NDUFC2: variants seen among roughly 807,000 people sequenced by gnomAD.
NDUFC2 encodes the protein NADH dehydrogenase [ubiquinone] 1 subunit C2.
Under a neutral mutation model 10.1 loss-of-function variants are expected in NDUFC2, and 2 were observed. That is an observed-to-expected ratio of 0.20 (90% CI 0.08 to 0.62). The LOEUF is 0.62. Among genes scored for constraint, NDUFC2 ranks in the 20% least tolerant of loss-of-function variants. NDUFC2 has a pLI of 0.87. For missense variants in NDUFC2, 156 were observed against 159.6 expected (o/e 0.98, Z 0.12); for synonymous variants, 61 against 63.6 (o/e 0.96, Z 0.20).
intron 2 of NDUFC2, among the ~76,000 whole-genome samples, chr11:78,070,440 C>G (rs1858953903): frequency 6.6e-6 from 1 of 152,076 alleles, no homozygotes; most frequent in African/African-American, 2.4e-5. Context: ...TATATATTAC[C>G]CAGTCTATTC....
chr11:78,073,199 G>C (rs1280629589), intron 1 of NDUFC2, 58 bp from the exon 2 acceptor site: 1 of 1,607,294 alleles, frequency 6.2e-7, no homozygotes, highest in African/African-American at 1.3e-5. Context: ...TGTATTAAGA[G>C]TTACATTTTT....
intron 1 of NDUFC2, among the ~76,000 whole-genome samples, chr11:78,075,501 T>C (rs1352029400): frequency 1.3e-5 from 2 of 152,234 alleles, no homozygotes; most frequent in African/African-American, 2.4e-5. Flanking sequence ...TAAAGTCTTA[T>C]TCTTAAGGAA....
In NDUFC2 at chr11:78,069,913, G is replaced by A. The variant is rs1319763935; in HGVS notation, c.*74C>T. ...ATACAGATTAGCATAAGCTTCAACT[G>A]TCATAAGAAACATGTTCCATCAAAT... On this transcript the variant is annotated 3_prime_UTR_variant, in exon 3 of 3. Transcript: ENST00000281031. 5.6e-6 allele frequency: 9 copies of A among 1,613,326 alleles called. No individual in the cohort carries two copies. In the African/African-American group the frequency reaches 1.2e-4, roughly 22 times the overall value.
At position 78,069,072 on chromosome 11, in the gene NDUFC2, A is replaced by T. The variant is rs2090461750; in HGVS notation, c.*915T>A. ...CCCAGCTAATTTTTGTATTTTATGT[A>T]GAGACAGTGTTTCACCATGTTGCCC... On this transcript the variant is annotated 3_prime_UTR_variant, in exon 3 of 3. Transcript: ENST00000281031. 1 of 152,124 alleles carries T rather than the reference A, an allele frequency of 6.6e-6. No homozygotes were observed. The highest frequency in any genetic ancestry group is 1.5e-5 in the Non-Finnish European group (1 of 68,030). The allele number at this position is 152,124 out of a possible 1,614,324, so 9.4% of individuals were successfully genotyped here. A position where few individuals can be genotyped will look rare whatever the true frequency, so the allele number is the denominator to read the frequency against.
At chr11:78,073,812 A>C (rs1323955762) in intron 1 of NDUFC2, among the ~76,000 whole-genome samples, 2 of 151,570 alleles carry the variant, frequency 1.3e-5, no homozygotes, top group Admixed American at 1.3e-4. Flanking sequence ...AAAAAAAAAA[A>C]AAAAAAAAAA....
Position 78,069,650 on chromosome 11 carries a change from A to T in NDUFC2, c.*337T>A. 1 of 559,220 alleles carries T rather than the reference A, an allele frequency of 1.8e-6. No homozygotes were observed. The allele number at this position is 559,220 out of a possible 1,614,324, so 34.6% of individuals were successfully genotyped here. On this transcript the variant is annotated 3_prime_UTR_variant, in exon 3 of 3. Transcript: ENST00000281031. ...AACTACTCAATTCTGCTCTTGCAGC[A>T]TGGCAGTCGCCATAAACAACATGTA...
chr11:78,077,123 C>A (rs1859282524), intron 1 of NDUFC2, among the ~76,000 whole-genome samples: 2 of 152,090 alleles, frequency 1.3e-5, no homozygotes, highest in African/African-American at 2.4e-5. Context: ...AAGACCCCAT[C>A]TCTACAAAAA....
intron 1 of NDUFC2, among the ~76,000 whole-genome samples, chr11:78,075,033 AC>A (rs1413840691): frequency 3.3e-5 from 5 of 152,136 alleles, no homozygotes; most frequent in Non-Finnish European, 5.9e-5. Context: ...ACCTCTCACT[AC>A]CTGCACACCC....
chr11:78,070,489 A>T (rs903133860), intron 2 of NDUFC2, among the ~76,000 whole-genome samples: 15 of 152,156 alleles, frequency 9.9e-5, no homozygotes, highest in South Asian at 2.1e-4. Context: ...AAGTTAAAAA[A>T]TTTTTTTTAA....
At chr11:78,070,236 T>C (rs1349335064) in intron 2 of NDUFC2, among the ~76,000 whole-genome samples, 200 bp from the exon 3 acceptor site, 1 of 152,034 alleles carries the variant, frequency 6.6e-6, no homozygotes, top group Non-Finnish European at 1.5e-5. Flanking sequence ...GGGAGGTGAT[T>C]AGGTCACAAA....
rs771302926 is a variant in NDUFC2 at position 78,068,782 on chromosome 11, CTCA to C, written c.*1202_*1204del. 87,933 of 137,620 alleles carry C rather than the reference CTCA, an allele frequency of 0.64. 27,303 individuals are homozygous for C. The highest frequency in any genetic ancestry group is 0.71 in the Admixed American group (9,812 of 13,854). The allele number at this position is 137,620 out of a possible 1,614,324, so 8.5% of individuals were successfully genotyped here. On this transcript the variant is annotated 3_prime_UTR_variant, in exon 3 of 3. Transcript: ENST00000281031. ...CCTGATGACAGAGCAAGACTGTCGT[CTCA>C]AAAAAAAAAAAAAAAATACCACATA... is the stretch of plus-strand genomic sequence containing the variant.
chr11:78,079,616 A>T lies in NDUFC2; in HGVS notation c.129T>A (p.Ile43=). 1 of 1,565,906 alleles carries T rather than the reference A, an allele frequency of 6.4e-7. No individual in the cohort carries two copies. Among genetic ancestry groups the T allele is most frequent in the South Asian group, 1.2e-5 (1 of 85,346 alleles). Residue 43 remains isoleucine (I), a synonymous_variant, in exon 1 of 3, where the codon ATT becomes ATA. Coordinates refer to ENST00000281031, the MANE Select transcript of NDUFC2 (RefSeq NM_004549.6). ...TCGGCCTCCGCCGGATTAGGTTATC[A>T]ATCAGGCCGGAGCAGTAGCCCAAGA... is the stretch of plus-strand genomic sequence containing the variant. ...IGFLGYCSGL[I]DNLIRRRPIA...
Position 78,073,056 on chromosome 11 carries a change from C to A in NDUFC2, c.252G>T (p.Val84=), listed in dbSNP as rs1357790070. 6.2e-7 allele frequency: 1 copy of A among 1,613,954 alleles called. No homozygotes were observed. The highest frequency in any genetic ancestry group is 8.5e-7 in the Non-Finnish European group (1 of 1,180,012). The change falls in exon 2 of 3, where the codon GTG becomes GTT. Residue 84 remains valine, a synonymous_variant. Transcript: ENST00000281031. ...TATATCCAAACATTTCACGGTCCCT[C>A]ACAGCATACAGGTAGTCTTCACGTT... is the stretch of plus-strand genomic sequence containing the variant. ...LVKREDYLYA[V]RDREMFGYMK... is the part of the protein sequence containing the mutation.
intron 2 of NDUFC2, 156 bp downstream of exon 2, chr11:78,072,842 A>C (rs1366577040): frequency 2.5e-5 from 27 of 1,087,418 alleles, no homozygotes; most frequent in Non-Finnish European, 3.0e-5. Flanking sequence ...GTAGTCAGAA[A>C]CTGGATATAT....
Position 78,072,989 on chromosome 11 carries a change from T to C in NDUFC2, c.310+9A>G, listed in dbSNP as rs1190921683. The C allele has an allele frequency of 1.2e-6, 2 of 1,607,138 alleles. No homozygotes were observed. Among genetic ancestry groups the C allele is most frequent in the Admixed American group, 3.5e-5 (2 of 57,560 alleles). On this transcript the variant is annotated intron_variant, in intron 2 of 2. Coordinates refer to ENST00000281031, the MANE Select transcript of NDUFC2 (RefSeq NM_004549.6). ...TAAACACAGATTATCTAAAATTAAC[T>C]TGAAATACCTTCTTCAGGAAAATCC...
chr11:78,079,794 GA>G lies in NDUFC2; in HGVS notation c.-51del. ...CTGGTCTCAGACCACGAACTACAAG[GA>G]AAACCACGACGACCACTACCCCGGC... On this transcript the variant is annotated 5_prime_UTR_variant, in exon 1 of 3. Transcript: ENST00000281031. 6.4e-7 allele frequency: 1 copy of G among 1,557,198 alleles called. No homozygotes were observed. The highest frequency in any genetic ancestry group is 8.6e-7 in the Non-Finnish European group (1 of 1,157,272).
Position 78,079,564 on chromosome 11 carries a change from C to T in NDUFC2, c.166+15G>A. Reference sequence around the variant, plus strand: ...CCCTTCTCCTCCCAGCCGATCCCGGCCGCGCAGCACTCACCAGCCGTCGCG... The same window carrying T: ...CCCTTCTCCTCCCAGCCGATCCCGGTCGCGCAGCACTCACCAGCCGTCGCG... On this transcript the variant is annotated intron_variant, in intron 1 of 2. Coordinates refer to ENST00000281031, the MANE Select transcript of NDUFC2 (RefSeq NM_004549.6). 1.3e-6 allele frequency: 2 copies of T among 1,547,872 alleles called. No homozygotes were observed. Among genetic ancestry groups the T allele is most frequent in the Non-Finnish European group, 1.7e-6 (2 of 1,146,146 alleles).
intron 1 of NDUFC2, among the ~76,000 whole-genome samples, chr11:78,073,923 G>C (rs1028035197): frequency 3.3e-5 from 5 of 150,326 alleles, no homozygotes; most frequent in Non-Finnish European, 7.4e-5. Context: ...CCAGGCTGGC[G>C]TGCAGTGGCA....
chr11:78,069,741 C>A lies in NDUFC2; in HGVS notation c.*246G>T. 1.2e-6 allele frequency: 1 copy of A among 826,624 alleles called. No homozygotes were observed. The highest frequency in any genetic ancestry group is 1.9e-6 in the Non-Finnish European group (1 of 530,644). The allele number at this position is 826,624 out of a possible 1,614,324, so 51.2% of individuals were successfully genotyped here. ...CAGTGGGCCAGATTTGGGTAGTCTG[C>A]TAACTCTAAACTAGAATTCAACCTC... On this transcript the variant is annotated 3_prime_UTR_variant, in exon 3 of 3. Coordinates refer to ENST00000281031, the MANE Select transcript of NDUFC2 (RefSeq NM_004549.6).
Sources: allele counts gnomAD v4.1 joint callset (sites outside exome capture counted in the v4.1 genomes callset), GRCh38; gene constraint gnomAD v4.1.1; transcripts MANE v1.5; gene names NCBI Gene and HGNC (gene_info 2026-07-23, HGNC 2026-07-21).